The following PARD3B variants were observed in gnomAD, a reference collection of about 807,000 sequenced individuals.
PARD3B encodes par-3 family cell polarity regulator beta, also known as partitioning defective 3 homolog B.
A neutral mutation model predicts 130.2 loss-of-function variants in PARD3B; 103 were observed. That is an observed-to-expected ratio of 0.79 (90% CI 0.67 to 0.93). PARD3B has a LOEUF of 0.93. PARD3B is among the 40% of genes least tolerant of loss of function. PARD3B has a pLI of 0.00. For missense variants in PARD3B, 1,609 were observed against 1,499.2 expected, an observed-to-expected ratio of 1.07 and a Z score of -1.21; for synonymous variants, 583 against 553.2, an observed-to-expected ratio of 1.05 and a Z score of -0.76.
chr2:205,294,702 G>T (rs2041725954), intron 16 of PARD3B, among the ~76,000 whole-genome samples: 1 of 152,210 alleles, frequency 6.6e-6, no homozygotes. Context: ...TGAACATTTT[G>T]ATGTGAATTT....
intron 2 of PARD3B, among the ~76,000 whole-genome samples, chr2:204,950,801 T>C (rs1014829481): frequency 1.3e-4 from 20 of 151,912 alleles, no homozygotes; most frequent in African/African-American, 3.6e-4. Context: ...GCAGAAGATA[T>C]CTCATAGGCG....
chr2:204,560,977 G>A (rs2031271616), intron 1 of PARD3B, among the ~76,000 whole-genome samples: 10 of 152,100 alleles, frequency 6.6e-5, no homozygotes, highest in Admixed American at 6.5e-4. Context: ...GAACTGGGGA[G>A]AGGGCGCAGT....
At chr2:204,774,679 A>G (rs560622847) in intron 2 of PARD3B, among the ~76,000 whole-genome samples, 1 of 152,148 alleles carries the variant, frequency 6.6e-6, no homozygotes, top group African/African-American at 2.4e-5. Context: ...CTTTTAGGAA[A>G]ATACACTTTG....
chr2:204,805,222 A>T (rs1575028448), intron 2 of PARD3B, among the ~76,000 whole-genome samples: 2 of 152,118 alleles, frequency 1.3e-5, no homozygotes, highest in Admixed American at 1.3e-4. Context: ...TCAGAGATGA[A>T]AAAAGAGACA....
In PARD3B at chr2:205,054,426, ATATATATATATTT is replaced by A. The variant is rs1250167177; in HGVS notation, c.504+6738_504+6750del. ...CTTTTATATATATATATATATATAT[ATATATATATATTT>A]TTTTTTTTTTTTTTTTTTAATTATA... On this transcript the variant is annotated intron_variant, in intron 4 of 22. Coordinates refer to ENST00000406610, the MANE Select transcript of PARD3B (RefSeq NM_001302769.2). Among the ~76,000 whole-genome samples, 17 of 23,814 alleles carry A rather than the reference ATATATATATATTT, an allele frequency of 7.1e-4. 1 individual carries two copies. The highest frequency in any genetic ancestry group is 9.9e-4 in the African/African-American group (7 of 7,040). 15.6% of individuals were successfully genotyped at this position (23,814 alleles called of 152,430 possible). A position where few individuals can be genotyped will look rare whatever the true frequency, so the allele number is the denominator to read the frequency against.
chr2:204,761,035 C>A (rs1328744095), intron 2 of PARD3B, among the ~76,000 whole-genome samples: 3 of 152,176 alleles, frequency 2.0e-5, no homozygotes, highest in Admixed American at 6.5e-5. Flanking sequence ...ACAATAGAAC[C>A]TTTAAAGGGT....
chr2:205,434,470 C>G (rs1352422596), intron 19 of PARD3B, among the ~76,000 whole-genome samples: 1 of 151,904 alleles, frequency 6.6e-6, no homozygotes, highest in Non-Finnish European at 1.5e-5. Context: ...AGCAGAAGGT[C>G]TAGAAAAAAT....
At chr2:204,961,745 T>C (rs1365366780) in intron 2 of PARD3B, among the ~76,000 whole-genome samples, 1 of 152,150 alleles carries the variant, frequency 6.6e-6, no homozygotes, top group Non-Finnish European at 1.5e-5. Context: ...ACTGGTGCCC[T>C]GGAATCCAAG....
intron 3 of PARD3B, among the ~76,000 whole-genome samples, chr2:204,994,885 C>T (rs373729483): frequency 3.3e-5 from 5 of 151,658 alleles, no homozygotes; most frequent in East Asian, 1.9e-4. Context: ...CTGTTTAATC[C>T]GAGACTAGGA....
At chr2:204,873,806 A>G (rs1361134280) in intron 2 of PARD3B, among the ~76,000 whole-genome samples, 1 of 152,158 alleles carries the variant, frequency 6.6e-6, no homozygotes, top group Admixed American at 6.6e-5. Flanking sequence ...GCAGTGAGAG[A>G]AGAGGCAGGC....
chr2:205,220,874 T>A (rs540789280), intron 15 of PARD3B, among the ~76,000 whole-genome samples: 1 of 152,182 alleles, frequency 6.6e-6, no homozygotes, highest in African/African-American at 2.4e-5. Context: ...GTCCTAGGAC[T>A]TGTGGTGAGG....
chr2:204,566,463 C>T (rs2031677307), intron 1 of PARD3B, among the ~76,000 whole-genome samples: 1 of 152,160 alleles, frequency 6.6e-6, no homozygotes, highest in Non-Finnish European at 1.5e-5. Context: ...CCAGCTAATG[C>T]AGTATGATAC....
chr2:204,603,117 G>T (rs973853186), intron 1 of PARD3B, among the ~76,000 whole-genome samples: 3 of 152,102 alleles, frequency 2.0e-5, no homozygotes, highest in African/African-American at 7.2e-5. Context: ...GAATGAGGAA[G>T]GGTAGATAGA....
At chr2:205,583,398 T>TGC (rs2054070135) in intron 22 of PARD3B, among the ~76,000 whole-genome samples, 2 of 69,596 alleles carry the variant, frequency 2.9e-5, no homozygotes, top group African/African-American at 9.1e-5. Context: ...TGTGTGTGTG[T>TGC]GTGCGCGCGC....
intron 10 of PARD3B, among the ~76,000 whole-genome samples, chr2:205,135,094 G>A (rs1200269870): frequency 1.3e-5 from 2 of 152,166 alleles, no homozygotes; most frequent in Non-Finnish European, 1.5e-5. Context: ...TCTGGAGACT[G>A]GAGAAAAAGA....
chr2:205,127,441 A>T (rs1042159509), intron 10 of PARD3B, among the ~76,000 whole-genome samples: 1 of 152,220 alleles, frequency 6.6e-6, no homozygotes, highest in Admixed American at 6.5e-5. Flanking sequence ...ACAAAGGCAC[A>T]TGTAGGTTCC....
chr2:205,420,468 G>C (rs1328357469), intron 19 of PARD3B, among the ~76,000 whole-genome samples: 2 of 152,214 alleles, frequency 1.3e-5, no homozygotes, highest in East Asian at 3.9e-4. Flanking sequence ...TCCATCCCAG[G>C]CTGTCTGGCT....
chr2:205,180,854 A>C (rs1252444131), intron 13 of PARD3B, among the ~76,000 whole-genome samples: 3 of 152,156 alleles, frequency 2.0e-5, no homozygotes, highest in Non-Finnish European at 4.4e-5. Flanking sequence ...TCAAGATGGT[A>C]ATAGGGATGG....
At chr2:204,873,832 AG>A (rs2045732555) in intron 2 of PARD3B, among the ~76,000 whole-genome samples, 1 of 152,086 alleles carries the variant, frequency 6.6e-6, no homozygotes, top group Non-Finnish European at 1.5e-5. Context: ...GTAAACAAGA[AG>A]GGCAGATAGG....
Sources: gnomAD v4.1 joint callset for allele counts (sites outside exome capture counted in the v4.1 genomes callset) on GRCh38, gnomAD v4.1.1 for gene constraint, MANE v1.5 for transcripts, NCBI Gene and HGNC (gene_info 2026-07-23, HGNC 2026-07-21) for gene names.